The following XYLT1 variants were observed in gnomAD, a reference collection of about 807,000 sequenced individuals.
XYLT1 encodes xylosyltransferase 1, also known as beta-D-xylosyltransferase 1.
XYLT1 carries 36 observed loss-of-function variants against 91.3 expected under a neutral mutation model. That is an observed-to-expected ratio of 0.39 (90% CI 0.30 to 0.52). The LOEUF is 0.52. XYLT1 is among the 20% of genes least tolerant of loss of function. The pLI is 0.68. For synonymous variants in XYLT1, 588 were observed against 532.0 expected (o/e 1.11, Z -1.45); for missense variants, 1,242 against 1,284.5 (o/e 0.97, Z 0.51).
chr16:17,435,303 G>A lies in XYLT1; in HGVS notation c.363+35131C>T, dbSNP rs545069941. Among the ~76,000 whole-genome samples the A allele has an allele frequency of 1.9e-4, 29 of 152,302 alleles. No homozygotes were observed. The South Asian group carries it at 5.8e-3, about 31-fold the overall frequency. ...CCAAAGCAGAAATGCATGGAAAGGG[G>A]CTGACAGCGGGCCTCAGAGCCCCAC... On this transcript the variant is annotated intron_variant, in intron 1 of 11. Transcript: ENST00000261381.
At chr16:17,356,322 C>T (rs1253979330) in intron 2 of XYLT1, among the ~76,000 whole-genome samples, 2 of 152,062 alleles carry the variant, frequency 1.3e-5, no homozygotes, top group African/African-American at 2.4e-5. Flanking sequence ...GTGATAAGGA[C>T]AGACAAAACC....
At chr16:17,225,177 A>ACACACACTCTCT (rs150256998) in intron 3 of XYLT1, among the ~76,000 whole-genome samples, 3 of 147,356 alleles carry the variant, frequency 2.0e-5, no homozygotes, top group African/African-American at 7.6e-5. Context: ...ACACACACAC[A>ACACACACTCTCT]CTCTCTCTCT....
intron 2 of XYLT1, among the ~76,000 whole-genome samples, chr16:17,354,088 C>G (rs906239020): frequency 3.3e-5 from 5 of 152,178 alleles, no homozygotes; most frequent in African/African-American, 1.2e-4. Context: ...CCTAGCCACT[C>G]ACTGAACTCC....
chr16:17,400,985 T>C lies in XYLT1; in HGVS notation c.364-42935A>G, dbSNP rs199531319. On this transcript the variant is annotated intron_variant, in intron 1 of 11. Coordinates refer to ENST00000261381, the MANE Select transcript of XYLT1 (RefSeq NM_022166.4). The stretch of plus-strand genomic sequence containing the variant: ...TCTCTCTGTCTCACTCTCTCTTTCA[T>C]ACACACACACACACACACACACACA... 4.6e-4 allele frequency among the ~76,000 whole-genome samples: 69 copies of C among 148,790 alleles called. 2 individuals are homozygous for C. The South Asian group carries it at 0.014, about 30-fold the overall frequency.
chr16:17,311,336 C>T (rs544719181), intron 2 of XYLT1, among the ~76,000 whole-genome samples: 18 of 152,136 alleles, frequency 1.2e-4, no homozygotes, highest in East Asian at 1.9e-4. Flanking sequence ...TGAGCAGCCT[C>T]GTGGGCTGCT....
intron 2 of XYLT1, among the ~76,000 whole-genome samples, chr16:17,346,853 T>C (rs898317570): frequency 6.6e-6 from 1 of 152,214 alleles, no homozygotes; most frequent in Admixed American, 6.5e-5. Context: ...CCCACCCATC[T>C]GGCACCTGCA....
intron 8 of XYLT1, 46 bp downstream of exon 8, chr16:17,138,309 G>T (rs760473927): frequency 1.3e-6 from 2 of 1,594,300 alleles, no homozygotes; most frequent in Non-Finnish European, 8.6e-7. Context: ...GAGGTTTGTT[G>T]GGAAGGCATC....
At chr16:17,289,907 C>A (rs565236162) in intron 2 of XYLT1, among the ~76,000 whole-genome samples, 2 of 152,174 alleles carry the variant, frequency 1.3e-5, no homozygotes, top group African/African-American at 4.8e-5. Flanking sequence ...AGGAAGATGA[C>A]GATGACTTTC....
At chr16:17,136,335 G>A (rs919898774) in intron 8 of XYLT1, among the ~76,000 whole-genome samples, 2 of 152,122 alleles carry the variant, frequency 1.3e-5, no homozygotes, top group Non-Finnish European at 2.9e-5. Context: ...TGAGTAAACT[G>A]GGAAGCCCCC....
At chr16:17,255,633 C>T (rs2033619227) in intron 3 of XYLT1, among the ~76,000 whole-genome samples, 1 of 152,202 alleles carries the variant, frequency 6.6e-6, no homozygotes, top group Admixed American at 6.5e-5. Flanking sequence ...AGAATATAGA[C>T]AGGAACCACC....
At chr16:17,358,313 T>C (rs1182286966) in intron 1 of XYLT1, among the ~76,000 whole-genome samples, 1 of 152,072 alleles carries the variant, frequency 6.6e-6, no homozygotes, top group Non-Finnish European at 1.5e-5. Flanking sequence ...TAAAAAATTA[T>C]TTTTGTAGAG....
intron 1 of XYLT1, among the ~76,000 whole-genome samples, chr16:17,450,856 C>T (rs535223810): frequency 2.1e-4 from 32 of 152,280 alleles, no homozygotes; most frequent in African/African-American, 7.5e-4. Flanking sequence ...GAGTGTAAGA[C>T]ACCACCACCC....
intron 2 of XYLT1, among the ~76,000 whole-genome samples, chr16:17,298,453 A>C (rs1486303793): frequency 1.3e-5 from 2 of 152,118 alleles, no homozygotes; most frequent in African/African-American, 4.8e-5. Context: ...AGCTGACGTC[A>C]TTTATACCAC....
chr16:17,273,848 A>G, intron 2 of XYLT1, among the ~76,000 whole-genome samples: 1 of 151,406 alleles, frequency 6.6e-6, no homozygotes, highest in Non-Finnish European at 1.5e-5. Context: ...TGTCTCAAAA[A>G]AAAAAAAAAA....
chr16:17,345,970 G>A (rs768136149), intron 2 of XYLT1, among the ~76,000 whole-genome samples: 26 of 152,080 alleles, frequency 1.7e-4, no homozygotes, highest in Non-Finnish European at 3.1e-4. Context: ...GCCACCACAC[G>A]TGGCTAATTT....
chr16:17,289,150 C>A (rs549357815), intron 2 of XYLT1, among the ~76,000 whole-genome samples: 4 of 152,324 alleles, frequency 2.6e-5, no homozygotes, highest in African/African-American at 9.6e-5. Flanking sequence ...GTCTCTGCCT[C>A]AACCTCTCAA....
At chr16:17,357,103 G>C (rs774927386) in intron 2 of XYLT1, among the ~76,000 whole-genome samples, 79 of 148,710 alleles carry the variant, frequency 5.3e-4, no homozygotes, top group Non-Finnish European at 7.7e-4. Flanking sequence ...CGTGAACCCG[G>C]GAGGCAGAGC....
rs78783797 is a variant in XYLT1, at chr16:17,323,486, C to T, written c.402+34526G>A. Among the ~76,000 whole-genome samples, 255 of 152,304 alleles carry T rather than the reference C, an allele frequency of 1.7e-3. 2 individuals carry two copies. The highest frequency in any genetic ancestry group is 5.9e-3 in the African/African-American group (245 of 41,566). On this transcript the variant is annotated intron_variant, in intron 2 of 11. Coordinates refer to ENST00000261381, the MANE Select transcript of XYLT1 (RefSeq NM_022166.4). ...TAAACTGCAAATAAAACACATGAAA[C>T]CAACACTTTGTAGTCTATCCAATTT...
chr16:17,138,955 T>G (rs186717877), intron 7 of XYLT1, among the ~76,000 whole-genome samples: 30 of 152,256 alleles, frequency 2.0e-4, no homozygotes, highest in African/African-American at 7.0e-4. Context: ...GGAGACCAGA[T>G]TGATGGTTGC....
Sources: allele counts gnomAD v4.1 joint callset (sites outside exome capture counted in the v4.1 genomes callset), GRCh38; gene constraint gnomAD v4.1.1; transcripts MANE v1.5; gene names NCBI Gene and HGNC (gene_info 2026-07-23, HGNC 2026-07-21).